CNTLN: variants seen among roughly 807,000 people sequenced by gnomAD.
CNTLN encodes the protein centlein.
Under a neutral mutation model 180.0 loss-of-function variants are expected in CNTLN, and 212 were observed. The observed-to-expected ratio is 1.18, with a 90% CI of 1.05 to 1.32. CNTLN has a LOEUF of 1.32. Ranked by LOEUF, CNTLN falls within the 40% of genes most tolerant of loss-of-function variation. CNTLN has a pLI of 0.00. For missense variants in CNTLN, 2,095 were observed against 1,610.9 expected, an observed-to-expected ratio of 1.30 and a Z score of -5.14; for synonymous variants, 722 against 563.1, an observed-to-expected ratio of 1.28 and a Z score of -3.99.
chr9:17,238,216 G>C (rs940725270), intron 5 of CNTLN, among the ~76,000 whole-genome samples: 1 of 152,034 alleles, frequency 6.6e-6, no homozygotes, highest in Non-Finnish European at 1.5e-5. Context: ...GTTGAATAAA[G>C]AAAACTGGAA....
intron 2 of CNTLN, among the ~76,000 whole-genome samples, chr9:17,191,550 C>G (rs1365146182): frequency 6.6e-6 from 1 of 152,066 alleles, no homozygotes; most frequent in Non-Finnish European, 1.5e-5. Flanking sequence ...TGATTAAGAT[C>G]CTAACTAATT....
chr9:17,257,332 T>G (rs1826582319), intron 5 of CNTLN, among the ~76,000 whole-genome samples: 1 of 152,206 alleles, frequency 6.6e-6, no homozygotes, highest in South Asian at 2.1e-4. Context: ...CTGCATAGTA[T>G]TCCATGGTGT....
chr9:17,214,185 A>G (rs919246815), intron 2 of CNTLN, among the ~76,000 whole-genome samples: 2 of 152,072 alleles, frequency 1.3e-5, no homozygotes, highest in South Asian at 2.1e-4. Flanking sequence ...TTTTGCAGTG[A>G]CTGGTACCGG....
intron 8 of CNTLN, among the ~76,000 whole-genome samples, chr9:17,309,572 A>G (rs1818981606): frequency 9.8e-6 from 1 of 102,368 alleles, no homozygotes; most frequent in Admixed American, 1.1e-4. Flanking sequence ...GAATGAGCTA[A>G]TGGAATAGAA....
At chr9:17,258,999 TC>T (rs1272423027) in intron 5 of CNTLN, among the ~76,000 whole-genome samples, 2 of 150,602 alleles carry the variant, frequency 1.3e-5, no homozygotes, top group Admixed American at 1.3e-4. Context: ...GGCCAGAACT[TC>T]CAACACTATG....
chr9:17,392,870 A>C (rs970299031), intron 14 of CNTLN, among the ~76,000 whole-genome samples: 2 of 152,178 alleles, frequency 1.3e-5, no homozygotes, highest in Non-Finnish European at 2.9e-5. Context: ...GAAACAATTT[A>C]CATCTTCACT....
Position 17,215,894 on chromosome 9 carries a change from G to A in CNTLN, c.450-10309G>A, listed in dbSNP as rs146708119. Among the ~76,000 whole-genome samples, 822 of 152,212 alleles carry A rather than the reference G, an allele frequency of 5.4e-3. 5 individuals are homozygous for A. Among genetic ancestry groups the A allele is most frequent in the Admixed American group, 8.3e-3 (127 of 15,288 alleles). On this transcript the variant is annotated intron_variant, in intron 2 of 25. Transcript: ENST00000380647. ...TCCTGGTGTGCCGTATGCTAAGACC[G>A]TTGGAAAAGCGCAGTATTAGGGTGG... is the stretch of plus-strand genomic sequence containing the variant.
chr9:17,498,683 T>G (rs1833585038), intron 25 of CNTLN, among the ~76,000 whole-genome samples: 1 of 152,234 alleles, frequency 6.6e-6, no homozygotes, highest in African/African-American at 2.4e-5. Flanking sequence ...TGTGCTGATA[T>G]GCCCAGGAAT....
chr9:17,332,212 G>GA (rs113501085), intron 9 of CNTLN, among the ~76,000 whole-genome samples: 3,307 of 151,832 alleles, frequency 0.022, 129 homozygotes, highest in African/African-American at 0.076. Context: ...ATTTCAAAGG[G>GA]AAAAAAATCC....
intron 2 of CNTLN, among the ~76,000 whole-genome samples, chr9:17,180,919 A>T (rs1821086154): frequency 6.6e-6 from 1 of 152,166 alleles, no homozygotes; most frequent in South Asian, 2.1e-4. Context: ...ATCTGCTGTC[A>T]TCTGAATCAT....
intron 23 of CNTLN, among the ~76,000 whole-genome samples, chr9:17,472,460 G>T (rs1303400668): frequency 6.6e-6 from 1 of 152,134 alleles, no homozygotes; most frequent in East Asian, 1.9e-4. Context: ...TCATATCCAT[G>T]TAAGCCATCC....
chr9:17,516,598 T>A, the CNTLN span, among the ~76,000 whole-genome samples: 1 of 152,210 alleles, frequency 6.6e-6, no homozygotes, highest in Admixed American at 6.5e-5. Context: ...TAGATTCTTC[T>A]TGGCCCCCCC....
chr9:17,282,163 A>G (rs1828706623), intron 6 of CNTLN, among the ~76,000 whole-genome samples: 1 of 152,072 alleles, frequency 6.6e-6, no homozygotes, highest in African/African-American at 2.4e-5. Context: ...GGGTTTCACC[A>G]TGTTGGCCAG....
chr9:17,426,072 C>G (rs1312149463), intron 18 of CNTLN, among the ~76,000 whole-genome samples: 1 of 152,170 alleles, frequency 6.6e-6, no homozygotes, highest in Non-Finnish European at 1.5e-5. Context: ...CCTAATCCTT[C>G]TTAGCAGAAA....
chr9:17,434,975 AT>A (rs895094610), intron 18 of CNTLN, among the ~76,000 whole-genome samples: 1 of 152,076 alleles, frequency 6.6e-6, no homozygotes, highest in Non-Finnish European at 1.5e-5. Context: ...TACTTTCAAG[AT>A]TTTTTTGTCT....
chr9:17,509,370 C>G, the CNTLN span, among the ~76,000 whole-genome samples: 2 of 152,282 alleles, frequency 1.3e-5, no homozygotes, highest in African/African-American at 4.8e-5. Context: ...GTGGGTTTGC[C>G]TTATTTGCAC....
intron 23 of CNTLN, among the ~76,000 whole-genome samples, chr9:17,472,010 A>G (rs562581343): frequency 1.3e-5 from 2 of 152,264 alleles, no homozygotes; most frequent in East Asian, 3.9e-4. Context: ...AGGCTCTACT[A>G]TATCTGAAAG....
intron 6 of CNTLN, among the ~76,000 whole-genome samples, chr9:17,290,315 C>G (rs1829288336): frequency 6.6e-6 from 1 of 151,622 alleles, no homozygotes; most frequent in Non-Finnish European, 1.5e-5. Flanking sequence ...CCCAGTTAGG[C>G]TGCTCGGGGG....
At chr9:17,430,578 A>AT (rs1346518245) in intron 18 of CNTLN, among the ~76,000 whole-genome samples, 1 of 152,012 alleles carries the variant, frequency 6.6e-6, no homozygotes, top group African/African-American at 2.4e-5. Flanking sequence ...TCTTACAGCT[A>AT]TTTTGAAACA....
Sources: allele counts gnomAD v4.1 joint callset (sites outside exome capture counted in the v4.1 genomes callset), GRCh38; gene constraint gnomAD v4.1.1; transcripts MANE v1.5; gene names NCBI Gene and HGNC (gene_info 2026-07-23, HGNC 2026-07-21).